Variants in AP3B1 observed in about 807,000 individuals in gnomAD.
AP3B1 encodes AP-3 complex subunit beta-1.
A neutral mutation model predicts 132.5 loss-of-function variants in AP3B1; 61 were observed. The ratio of observed to expected loss-of-function variants is 0.46; its 90% CI spans 0.37 to 0.57. AP3B1 has a LOEUF of 0.57. AP3B1 is among the 20% of genes least tolerant of loss of function. AP3B1 has a pLI of 0.00. For synonymous variants in AP3B1, 388 were observed against 438.3 expected, an observed-to-expected ratio of 0.89 and a Z score of 1.43; for missense variants, 1,120 against 1,289.4, an observed-to-expected ratio of 0.87 and a Z score of 2.01.
intron 14 of AP3B1, 134 bp downstream of exon 14, chr5:78,156,124 A>G (rs1743138124): frequency 1.5e-6 from 1 of 685,522 alleles, no homozygotes; most frequent in African/African-American, 1.8e-5. Context: ...AACAGCAAGA[A>G]ATCTTAGAAT....
intron 15 of AP3B1, among the ~76,000 whole-genome samples, chr5:78,136,493 C>T (rs1474932542): frequency 1.3e-5 from 2 of 152,146 alleles, no homozygotes; most frequent in African/African-American, 4.8e-5. Flanking sequence ...ACATACATAC[C>T]TCAAACATGT....
chr5:78,069,441 T>C (rs1186549556), intron 22 of AP3B1, among the ~76,000 whole-genome samples: 1 of 152,118 alleles, frequency 6.6e-6, no homozygotes, highest in Non-Finnish European at 1.5e-5. Flanking sequence ...ATCACAAGCA[T>C]TCCTATACAC....
chr5:78,291,886 C>G (rs1029479297), intron 1 of AP3B1, among the ~76,000 whole-genome samples: 9 of 152,124 alleles, frequency 5.9e-5, no homozygotes, highest in African/African-American at 2.2e-4. Context: ...TATCTTTGTT[C>G]TTAAAAATTA....
At position 78,151,386 on chromosome 5, in the gene AP3B1, A is replaced by C. The variant is rs552209331; in HGVS notation, c.1473+4872T>G. 2.6e-5 allele frequency among the ~76,000 whole-genome samples: 4 copies of C among 152,326 alleles called. No homozygotes were observed. The East Asian group carries it at 7.7e-4, about 29-fold the overall frequency. On this transcript the variant is annotated intron_variant, in intron 14 of 26. Coordinates refer to ENST00000255194, the MANE Select transcript of AP3B1 (RefSeq NM_003664.5). ...TTTCTCTTGTCTGAACGCTTGAGGT[A>C]GGACTTCCAGTACTGTGTTGAATAA...
chr5:78,055,008 GACCT>G (rs1748743954), intron 22 of AP3B1, among the ~76,000 whole-genome samples: 1 of 122,830 alleles, frequency 8.1e-6, no homozygotes, highest in African/African-American at 3.2e-5. Context: ...CAGACAGACA[GACCT>G]ACAGACACAC....
At chr5:78,226,676 T>C (rs544385678) in intron 5 of AP3B1, among the ~76,000 whole-genome samples, 4 of 152,164 alleles carry the variant, frequency 2.6e-5, no homozygotes, top group African/African-American at 7.2e-5. Context: ...TAAATACACA[T>C]AGCACAATAC....
intron 26 of AP3B1, among the ~76,000 whole-genome samples, chr5:78,005,310 G>C (rs139986357): frequency 1.4e-3 from 210 of 152,308 alleles, no homozygotes; most frequent in East Asian, 7.1e-3. Flanking sequence ...GAACACAAAA[G>C]CACTGTTGTT....
chr5:78,089,478 A>G lies in AP3B1; in HGVS notation c.2492T>C (p.Val831Ala). Residue 831 changes from valine (V) to alanine (A), a missense_variant, in exon 22 of 27, where the codon GTT (valine) becomes GCT (alanine). By Grantham distance (64) the Val-to-Ala change is moderately conservative. Transcript: ENST00000255194. Reference sequence around the variant, plus strand: ...AGAAAGAGCTGGTGTGGGAAGTGCAACTGGAGTGGATACTGGGTTAACTGT... The same window carrying G: ...AGAAAGAGCTGGTGTGGGAAGTGCAGCTGGAGTGGATACTGGGTTAACTGT... ...LDDFNPVSTP[V>A]ALPTPALSPS... 2 of 1,612,582 alleles carry G rather than the reference A, an allele frequency of 1.2e-6. No individual in the cohort carries two copies. The highest frequency in any genetic ancestry group is 8.5e-7 in the Non-Finnish European group (1 of 1,178,680).
intron 22 of AP3B1, chr5:78,089,146 A>T (rs1163382580): frequency 2.3e-6 from 1 of 426,278 alleles, no homozygotes; most frequent in Non-Finnish European, 4.3e-6. Context: ...TATGTTACAG[A>T]TATATAACAA....
chr5:78,195,548 A>G (rs1001753022), intron 7 of AP3B1, among the ~76,000 whole-genome samples: 3 of 152,208 alleles, frequency 2.0e-5, no homozygotes, highest in Non-Finnish European at 4.4e-5. Context: ...GGCCAGGCGC[A>G]GCGGCTCACG....
At chr5:78,203,489 G>C (rs546149390) in intron 7 of AP3B1, among the ~76,000 whole-genome samples, 6 of 152,222 alleles carry the variant, frequency 3.9e-5, no homozygotes, top group Admixed American at 2.0e-4. Context: ...TCCCACTCTT[G>C]ACATGTGGGG....
chr5:78,273,749 C>T (rs1748652762), intron 1 of AP3B1, among the ~76,000 whole-genome samples: 1 of 152,056 alleles, frequency 6.6e-6, no homozygotes, highest in African/African-American at 2.4e-5. Flanking sequence ...TGAAGAGCCA[C>T]ACAGAGTGCT....
chr5:78,081,239 G>T (rs186385940), intron 22 of AP3B1, among the ~76,000 whole-genome samples: 258 of 151,264 alleles, frequency 1.7e-3, no homozygotes, highest in Non-Finnish European at 3.0e-3. Context: ...ACAAGGAAGA[G>T]ACATACTTGG....
intron 5 of AP3B1, among the ~76,000 whole-genome samples, chr5:78,227,081 CTATA>C (rs1472446539): frequency 6.6e-6 from 1 of 152,006 alleles, no homozygotes; most frequent in East Asian, 1.9e-4. Context: ...ATGAGATAGA[CTATA>C]TAAATGAGAA....
At position 78,129,322 on chromosome 5, in the gene AP3B1, C is replaced by A. The variant is rs939814849; in HGVS notation, c.1651-15G>T. 6.3e-7 allele frequency: 1 copy of A among 1,584,464 alleles called. No homozygotes were observed. The highest frequency in any genetic ancestry group is 1.3e-5 in the African/African-American group (1 of 74,340). ...AGCAATTTTGTCTGTTGGAAAAAAACAGATCAAGATGAGAATACAGTTATT... is the reference window on the plus strand; with the variant it reads ...AGCAATTTTGTCTGTTGGAAAAAAAAAGATCAAGATGAGAATACAGTTATT... On this transcript the variant is annotated splice_polypyrimidine_tract_variant and intron_variant, in intron 15 of 26. Coordinates refer to ENST00000255194, the MANE Select transcript of AP3B1 (RefSeq NM_003664.5).
chr5:78,268,998 A>G (rs1221358232), intron 1 of AP3B1, among the ~76,000 whole-genome samples: 1 of 152,216 alleles, frequency 6.6e-6, no homozygotes, highest in Non-Finnish European at 1.5e-5. Flanking sequence ...AAGATTTAGG[A>G]AAGTTAATAC....
intron 22 of AP3B1, among the ~76,000 whole-genome samples, chr5:78,046,024 T>C (rs1285963484): frequency 6.6e-6 from 1 of 152,182 alleles, no homozygotes; most frequent in Non-Finnish European, 1.5e-5. Flanking sequence ...ACCTAAAACA[T>C]TTACTATCTG....
At chr5:78,232,625 A>G (rs1746694397) in intron 3 of AP3B1, among the ~76,000 whole-genome samples, 2 of 152,174 alleles carry the variant, frequency 1.3e-5, no homozygotes, top group Non-Finnish European at 2.9e-5. Flanking sequence ...CTTATTTCAG[A>G]TATCATCCTT....
At position 78,208,104 on chromosome 5, in the gene AP3B1, A is replaced by C. The variant is rs1745586878; in HGVS notation, c.786+7951T>G. 2.0e-5 allele frequency among the ~76,000 whole-genome samples: 3 copies of C among 152,142 alleles called. No individual in the cohort carries two copies. The South Asian group carries it at 6.2e-4, about 31-fold the overall frequency. On this transcript the variant is annotated intron_variant, in intron 7 of 26. Transcript: ENST00000255194. ...GAGACAGAGAGACAGAGAGAGAAAG[A>C]GAGAGAGAAGAAGAAAGCCTAAGAA...
Sources: allele counts gnomAD v4.1 joint callset (sites outside exome capture counted in the v4.1 genomes callset), GRCh38; gene constraint gnomAD v4.1.1; transcripts MANE v1.5; gene names NCBI Gene and HGNC (gene_info 2026-07-23, HGNC 2026-07-21).